SLC24A2: variants seen among roughly 807,000 people sequenced by gnomAD.
The protein encoded by SLC24A2 is sodium/potassium/calcium exchanger 2.
Under a neutral mutation model 62.0 loss-of-function variants are expected in SLC24A2, and 36 were observed. The observed-to-expected ratio is 0.58, with a 90% CI of 0.44 to 0.77. SLC24A2 has a LOEUF of 0.77. Among genes scored for constraint, SLC24A2 ranks in the 30% least tolerant of loss-of-function variants. The pLI is 0.00. For synonymous variants in SLC24A2, 358 were observed against 294.0 expected (o/e 1.22, Z -2.23); for missense variants, 846 against 817.9 (o/e 1.03, Z -0.42).
At chr9:19,594,911 C>T (rs1836664553) in intron 5 of SLC24A2, among the ~76,000 whole-genome samples, 1 of 152,208 alleles carries the variant, frequency 6.6e-6, no homozygotes, top group Non-Finnish European at 1.5e-5. Context: ...TAGGTTTAAG[C>T]CAGACTTGGC....
chr9:19,946,208 A>G, the SLC24A2 span, among the ~76,000 whole-genome samples: 1 of 152,180 alleles, frequency 6.6e-6, no homozygotes. Context: ...ACTGCTGGTA[A>G]GTAAAACTGC....
At chr9:20,219,120 C>G in the SLC24A2 span, among the ~76,000 whole-genome samples, 1 of 152,146 alleles carries the variant, frequency 6.6e-6, no homozygotes, top group Non-Finnish European at 1.5e-5. Context: ...TTGAGTTACT[C>G]AATGGAGTTG....
chr9:20,220,042 C>CT, the SLC24A2 span, among the ~76,000 whole-genome samples: 1 of 152,006 alleles, frequency 6.6e-6, no homozygotes, highest in African/African-American at 2.4e-5. Context: ...TTTATTATTC[C>CT]TTTTACTGAA....
the SLC24A2 span, among the ~76,000 whole-genome samples, chr9:20,061,404 A>G: frequency 2.6e-5 from 4 of 152,012 alleles, no homozygotes; most frequent in South Asian, 4.1e-4. Context: ...GTCCTGCCTC[A>G]GCCTCCCAAG....
the SLC24A2 span, chr9:19,926,276 C>T: frequency 6.6e-6 from 1 of 152,306 alleles, no homozygotes; most frequent in Admixed American, 6.5e-5. Context: ...CTTTGTTTGA[C>T]TTCACCATTC....
At chr9:20,277,135 A>G in the SLC24A2 span, among the ~76,000 whole-genome samples, 1 of 152,346 alleles carries the variant, frequency 6.6e-6, no homozygotes, top group South Asian at 2.1e-4. Context: ...TAAAAGCCCT[A>G]GAAGAAAACC....
the SLC24A2 span, among the ~76,000 whole-genome samples, chr9:20,252,603 G>T: frequency 3.7e-4 from 56 of 152,328 alleles, no homozygotes; most frequent in African/African-American, 1.3e-3. Flanking sequence ...ATTAGGCAAG[G>T]TGGAGTTGTC....
the SLC24A2 span, among the ~76,000 whole-genome samples, chr9:20,261,154 G>A: frequency 2.6e-5 from 4 of 151,962 alleles, no homozygotes; most frequent in African/African-American, 7.3e-5. Context: ...CACTGCACCC[G>A]GCCCAATGTA....
intron 5 of SLC24A2, among the ~76,000 whole-genome samples, chr9:19,581,434 G>A (rs1836207014): frequency 6.6e-6 from 1 of 152,122 alleles, no homozygotes; most frequent in South Asian, 2.1e-4. Flanking sequence ...GAAGCACCAG[G>A]TTCTTAACCC....
At chr9:20,078,984 G>C in the SLC24A2 span, among the ~76,000 whole-genome samples, 1 of 147,712 alleles carries the variant, frequency 6.8e-6, no homozygotes, top group Non-Finnish European at 1.5e-5. Flanking sequence ...AGAAATGTTC[G>C]TATGCTAACC....
Position 19,508,275 on chromosome 9 carries a change from C to T in SLC24A2, c.*7878G>A, listed in dbSNP as rs576481873. The T allele has an allele frequency of 1.2e-4, 19 of 152,302 alleles. No individual in the cohort carries two copies. The highest frequency in any genetic ancestry group is 1.2e-3 in the Admixed American group (19 of 15,298). The allele number at this position is 152,302 out of a possible 1,614,324, so 9.4% of individuals were successfully genotyped here. ...CTCCCTCTTCCGAATAGAGTCTCAG[C>T]CCTTTAGAGAAACTCTTCAGACCAC... On this transcript the variant is annotated 3_prime_UTR_variant, in exon 11 of 11. Transcript: ENST00000341998.
chr9:19,942,321 A>G, the SLC24A2 span, among the ~76,000 whole-genome samples: 1 of 152,202 alleles, frequency 6.6e-6, no homozygotes. Flanking sequence ...AGTACTAAAG[A>G]TTCAAGTACT....
intron 2 of SLC24A2, among the ~76,000 whole-genome samples, chr9:19,720,884 G>T (rs1172924351): frequency 1.5e-5 from 2 of 136,422 alleles, no homozygotes; most frequent in East Asian, 4.3e-4. Context: ...TGTGTGTGTT[G>T]TATCTCTAAA....
intron 2 of SLC24A2, among the ~76,000 whole-genome samples, chr9:19,646,179 A>G (rs1014910972): frequency 6.6e-6 from 1 of 152,240 alleles, no homozygotes; most frequent in African/African-American, 2.4e-5. Flanking sequence ...TGTGTAACTA[A>G]TAGTCATATC....
chr9:19,797,269 G>A, the SLC24A2 span, among the ~76,000 whole-genome samples: 3 of 152,162 alleles, frequency 2.0e-5, no homozygotes, highest in East Asian at 5.8e-4. Context: ...ACTGTAGTAG[G>A]TGTTCGATAA....
chr9:19,791,088 T>C (rs924385789), upstream of SLC24A2, among the ~76,000 whole-genome samples: 4 of 152,208 alleles, frequency 2.6e-5, no homozygotes, highest in Non-Finnish European at 5.9e-5. Flanking sequence ...TTTCTCATGG[T>C]AAAAAGAAGT....
chr9:20,271,770 G>T, the SLC24A2 span, among the ~76,000 whole-genome samples: 2 of 152,056 alleles, frequency 1.3e-5, no homozygotes. Flanking sequence ...AGAAAGGTTT[G>T]AATGAGTTTG....
At chr9:19,573,201 T>G in intron 7 of SLC24A2, 150 bp downstream of exon 7, 1 of 610,408 alleles carries the variant, frequency 1.6e-6, no homozygotes, top group Non-Finnish European at 3.0e-6. Flanking sequence ...GGGGTGGCAC[T>G]GGGAAATACA....
the SLC24A2 span, among the ~76,000 whole-genome samples, chr9:19,964,178 A>G: frequency 1.5e-5 from 2 of 129,918 alleles, no homozygotes; most frequent in Middle Eastern, 4.2e-3. Flanking sequence ...ATGAGACCAC[A>G]TGGACACAGG....
Sources: allele counts gnomAD v4.1 joint callset (sites outside exome capture counted in the v4.1 genomes callset), GRCh38; gene constraint gnomAD v4.1.1; transcripts MANE v1.5; gene names NCBI Gene and HGNC (gene_info 2026-07-23, HGNC 2026-07-21).